The following ERO1A variants were observed in gnomAD, a reference collection of about 807,000 sequenced individuals.
The protein encoded by ERO1A is endoplasmic reticulum oxidoreductase 1 alpha, also known as ERO1-like protein alpha.
In ERO1A, 49 loss-of-function variants were observed where a neutral mutation model predicts 76.9. The ratio of observed to expected loss-of-function variants is 0.64; its 90% CI spans 0.51 to 0.81. ERO1A has a LOEUF of 0.81. ERO1A is among the 30% of genes least tolerant of loss of function. The pLI is 0.00. For missense variants in ERO1A, 448 were observed against 542.1 expected (o/e 0.83, Z 1.72); for synonymous variants, 174 against 181.2 (o/e 0.96, Z 0.32).
intron 4 of ERO1A, among the ~76,000 whole-genome samples, chr14:52,672,726 C>T (rs74933524): frequency 0.027 from 3,973 of 146,840 alleles, 143 homozygotes; most frequent in African/African-American, 0.08. Flanking sequence ...ACTATATAAT[C>T]TTACCACTGC....
Position 52,671,872 on chromosome 14 carries a change from C to G in ERO1A, c.358-1G>C. ...TGAGATTATTGGCTTCTTCAGAATA[C>G]TAAAATGAAAAAGGGAATAAATAGA... On this transcript the variant is annotated splice_acceptor_variant, in intron 4 of 15. Transcript: ENST00000395686. LOFTEE classifies it high-confidence loss of function. The G allele has an allele frequency of 6.3e-7, 1 of 1,580,544 alleles. No individual in the cohort carries two copies.
intron 4 of ERO1A, among the ~76,000 whole-genome samples, chr14:52,675,271 T>A (rs2139730821): frequency 6.6e-6 from 1 of 152,022 alleles, no homozygotes; most frequent in Admixed American, 6.6e-5. Context: ...TAATCCCAGC[T>A]ACTCGGGAGG....
intron 9 of ERO1A, 112 bp from the exon 10 acceptor site, chr14:52,658,262 ATTT>A: frequency 1.4e-6 from 1 of 727,288 alleles, no homozygotes; most frequent in East Asian, 2.6e-5. Flanking sequence ...TGTAAAGATT[ATTT>A]AACCTAACGG....
At chr14:52,683,999 C>T (rs975562333) in intron 1 of ERO1A, 92 bp from the exon 2 acceptor site, 5 of 914,570 alleles carry the variant, frequency 5.5e-6, no homozygotes, top group Admixed American at 2.5e-5. Flanking sequence ...CAGCCCCCTA[C>T]TCAACCAGTC....
intron 11 of ERO1A, among the ~76,000 whole-genome samples, chr14:52,654,390 A>G (rs1216746107): frequency 1.3e-5 from 2 of 152,122 alleles, no homozygotes; most frequent in African/African-American, 4.8e-5. Context: ...TTGTTCTTTT[A>G]ATTAAAGAAT....
intron 4 of ERO1A, 47 bp from the exon 5 acceptor site, chr14:52,671,918 A>G: frequency 7.9e-7 from 1 of 1,266,114 alleles, no homozygotes; most frequent in Non-Finnish European, 1.1e-6. Flanking sequence ...TTGCATTTTT[A>G]AAACTTGTTT....
chr14:52,657,934 G>A lies in ERO1A; in HGVS notation c.791C>T (p.Ala264Val). The A allele has an allele frequency of 6.2e-7, 1 of 1,607,174 alleles. No homozygotes were observed. Among genetic ancestry groups the A allele is most frequent in the Non-Finnish European group, 8.5e-7 (1 of 1,175,856 alleles). ...TCACATACCTTGTAAAAGATATCTT[G>A]CACTCAAATGCACATTAATGCTTGC... Reference protein sequence around the residue: ...LHASINVHLSARYLLQETWLE... With the variant: ...LHASINVHLSVRYLLQETWLE... The change falls in exon 11 of 16, where the codon GCA (alanine) becomes GTA (valine). Residue 264 changes from alanine to valine, a missense_variant. Transcript: ENST00000395686.
chr14:52,646,023 A>T, intron 15 of ERO1A, 131 bp downstream of exon 15: 1 of 1,095,186 alleles, frequency 9.1e-7, no homozygotes, highest in Non-Finnish European at 1.3e-6. Flanking sequence ...GCTACAGACC[A>T]AAACTCCGTC....
chr14:52,678,371 G>C, intron 4 of ERO1A, 63 bp downstream of exon 4: 1 of 1,374,032 alleles, frequency 7.3e-7, no homozygotes, highest in African/African-American at 1.4e-5. Flanking sequence ...TAGGTACAAC[G>C]GAAATGGGTT....
intron 1 of ERO1A, among the ~76,000 whole-genome samples, chr14:52,694,302 G>C (rs965547791): frequency 6.6e-6 from 1 of 152,030 alleles, no homozygotes; most frequent in African/African-American, 2.4e-5. Context: ...TTGTAAAGTA[G>C]CAATTTTCTT....
intron 9 of ERO1A, among the ~76,000 whole-genome samples, chr14:52,658,970 G>A (rs1192640609): frequency 6.6e-6 from 1 of 152,000 alleles, no homozygotes. Context: ...TGTTAAAAAT[G>A]AACCAAACAA....
At chr14:52,661,261 CAT>C in intron 9 of ERO1A, 30 bp downstream of exon 9, 1 of 917,968 alleles carries the variant, frequency 1.1e-6, no homozygotes, top group Non-Finnish European at 1.6e-6. Flanking sequence ...TAAACAAATT[CAT>C]ATATGTAATA....
chr14:52,678,299 G>C lies in ERO1A; in HGVS notation c.357+135C>G, dbSNP rs182906007. The C allele has an allele frequency of 4.4e-3, 2,487 of 559,098 alleles. 17 individuals carry two copies. The highest frequency in any genetic ancestry group is 6.6e-3 in the Non-Finnish European group (2,034 of 308,404). The allele number at this position is 559,098 out of a possible 1,614,324, so 34.6% of individuals were successfully genotyped here. On this transcript the variant is annotated intron_variant, in intron 4 of 15. Transcript: ENST00000395686. The stretch of plus-strand genomic sequence containing the variant: ...TGTTAAACAAAAACAAACAGAAAGA[G>C]AGCCATTCAGCATAAATACCTCTCA...
At chr14:52,686,797 C>A (rs532643812) in intron 1 of ERO1A, among the ~76,000 whole-genome samples, 3 of 152,060 alleles carry the variant, frequency 2.0e-5, no homozygotes, top group Admixed American at 2.0e-4. Context: ...ATCGCTTGAA[C>A]CGGGGAGGCA....
At chr14:52,654,598 T>C (rs989508629) in intron 11 of ERO1A, among the ~76,000 whole-genome samples, 1 of 152,264 alleles carries the variant, frequency 6.6e-6, no homozygotes, top group East Asian at 1.9e-4. Context: ...TGATAAGCCA[T>C]AAATATTCCT....
intron 1 of ERO1A, among the ~76,000 whole-genome samples, chr14:52,692,661 A>G (rs768922675): frequency 1.2e-4 from 19 of 152,176 alleles, no homozygotes; most frequent in South Asian, 2.1e-4. Flanking sequence ...CGAATCCCCA[A>G]TGAACATTAT....
intron 13 of ERO1A, chr14:52,646,831 T>G (rs1466217448): frequency 5.8e-6 from 1 of 173,088 alleles, no homozygotes; most frequent in Non-Finnish European, 1.2e-5. Context: ...TGTCAAGGTG[T>G]CCATTGTAGG....
At chr14:52,650,236 T>C (rs2039809937) in intron 13 of ERO1A, among the ~76,000 whole-genome samples, 2 of 151,680 alleles carry the variant, frequency 1.3e-5, no homozygotes, top group Non-Finnish European at 2.9e-5. Flanking sequence ...AACAAAAATA[T>C]ATATACAATA....
intron 6 of ERO1A, 21 bp from the exon 7 acceptor site, chr14:52,666,516 T>A: frequency 6.3e-7 from 1 of 1,592,926 alleles, no homozygotes. Flanking sequence ...AAATGTCTTA[T>A]TAAACCTTTC....
Sources: gnomAD v4.1 joint callset for allele counts (sites outside exome capture counted in the v4.1 genomes callset) on GRCh38, gnomAD v4.1.1 for gene constraint, MANE v1.5 for transcripts, NCBI Gene and HGNC (gene_info 2026-07-23, HGNC 2026-07-21) for gene names.